The following PLXNC1 variants were observed in gnomAD, a reference collection of about 807,000 sequenced individuals.
The protein encoded by PLXNC1 is plexin-C1.
Under a neutral mutation model 178.2 loss-of-function variants are expected in PLXNC1, and 75 were observed. The observed-to-expected ratio is 0.42, with a 90% confidence interval of 0.35 to 0.51. The LOEUF is 0.51. PLXNC1 is among the 20% of genes least tolerant of loss of function. The probability of loss-of-function intolerance (pLI) is 0.02; values close to 1 mark genes in which losing one functional copy is unlikely to be tolerated. For missense variants in PLXNC1, 1,503 were observed against 1,984.4 expected, an observed-to-expected ratio of 0.76 and a Z score of 4.61; for synonymous variants, 790 against 779.9, an observed-to-expected ratio of 1.01 and a Z score of -0.22.
intron 15 of PLXNC1, 128 bp downstream of exon 15, chr12:94,251,656 C>A: frequency 1.5e-6 from 1 of 683,578 alleles, no homozygotes; most frequent in South Asian, 1.6e-5. Flanking sequence ...CAAATCAAAA[C>A]TTTGAGAAAC....
intron 21 of PLXNC1, among the ~76,000 whole-genome samples, chr12:94,274,806 T>G (rs1428327238): frequency 1.3e-5 from 2 of 152,178 alleles, no homozygotes; most frequent in Non-Finnish European, 2.9e-5. Flanking sequence ...CTTGTGCCAT[T>G]TATTTAACCT....
At chr12:94,195,179 G>A (rs1327904145) in intron 4 of PLXNC1, among the ~76,000 whole-genome samples, 1 of 152,108 alleles carries the variant, frequency 6.6e-6, no homozygotes, top group Non-Finnish European at 1.5e-5. Flanking sequence ...AGGCCTTCCA[G>A]CGCCATATTT....
intron 27 of PLXNC1, among the ~76,000 whole-genome samples, chr12:94,300,194 G>GCAAA (rs1352664258): frequency 6.6e-6 from 1 of 152,178 alleles, no homozygotes; most frequent in African/African-American, 2.4e-5. Context: ...AATGCAATAT[G>GCAAA]CAAACAGTAG....
chr12:94,247,814 A>G (rs1177366666), intron 12 of PLXNC1, 89 bp from the exon 13 acceptor site: 2 of 1,152,040 alleles, frequency 1.7e-6, no homozygotes, highest in East Asian at 4.7e-5. Context: ...AGCACCAAGA[A>G]GTTAAGTTGC....
At chr12:94,189,452 GT>G (rs1962640551) in intron 4 of PLXNC1, among the ~76,000 whole-genome samples, 1 of 152,174 alleles carries the variant, frequency 6.6e-6, no homozygotes, top group Non-Finnish European at 1.5e-5. Context: ...GCCAAAGTGG[GT>G]GGATCACTTG....
chr12:94,302,640 C>A (rs989246388), intron 28 of PLXNC1, among the ~76,000 whole-genome samples: 4 of 152,098 alleles, frequency 2.6e-5, no homozygotes, highest in African/African-American at 9.7e-5. Flanking sequence ...TTATTATTAC[C>A]CTCATTTTAT....
chr12:94,270,713 A>G (rs1036418296), intron 21 of PLXNC1, among the ~76,000 whole-genome samples: 12 of 152,166 alleles, frequency 7.9e-5, no homozygotes, highest in East Asian at 7.7e-4. Flanking sequence ...GCTAGCAAGT[A>G]TAGAAAAATT....
chr12:94,265,196 T>C lies in PLXNC1; in HGVS notation c.3568T>C (p.Leu1190=). The change falls in exon 21 of 31, where the codon TTG becomes CTG. Residue 1190 remains leucine (L), a synonymous_variant. Coordinates refer to ENST00000258526, the MANE Select transcript of PLXNC1 (RefSeq NM_005761.3). The part of the protein sequence containing the change: ...ALYTLNEDWL[L]WQVPEFSTVA... ...GTACACACTTAATGAAGACTGGCTG[T>C]TGTGGCAGGTTCCGGAATTCAGTAC... 1.9e-6 allele frequency: 3 copies of C among 1,612,212 alleles called. No individual in the cohort carries two copies. The highest frequency in any genetic ancestry group is 2.5e-6 in the Non-Finnish European group (3 of 1,178,684).
Position 94,279,641 on chromosome 12 carries a change from T to A in PLXNC1, c.3767T>A (p.Ile1256Asn). 6.2e-7 allele frequency: 1 copy of A among 1,614,134 alleles called. No homozygotes were observed. Among genetic ancestry groups the A allele is most frequent in the Non-Finnish European group, 8.5e-7 (1 of 1,179,980 alleles). The change falls in exon 22 of 31, where the codon ATT becomes AAT. Residue 1256 changes from isoleucine to asparagine, a missense_variant. Coordinates refer to ENST00000258526, the MANE Select transcript of PLXNC1 (RefSeq NM_005761.3). Reference sequence around the variant, plus strand: ...CCTTATGGACTTCAGCTTAATGAAATTGGTCTTGGTAAGGCGGTGCGGGAG... The same window carrying A: ...CCTTATGGACTTCAGCTTAATGAAAATGGTCTTGGTAAGGCGGTGCGGGAG... ...GSPYGLQLNE[I>N]GLELQMGTRQ...
At chr12:94,274,907 A>T (rs1044864604) in intron 21 of PLXNC1, among the ~76,000 whole-genome samples, 1 of 152,216 alleles carries the variant, frequency 6.6e-6, no homozygotes, top group African/African-American at 2.4e-5. Flanking sequence ...ATACAAATAC[A>T]CACACGTCAT....
rs139169554 is a variant in PLXNC1, at chr12:94,221,320, C to A, written c.1702+1157C>A. Among the ~76,000 whole-genome samples, 42 of 152,216 alleles carry A rather than the reference C, an allele frequency of 2.8e-4. 1 individual carries two copies. The East Asian group carries it at 7.7e-3, about 28-fold the overall frequency. ...ACTGAAAGACTGAGTTCCAACAGAT[C>A]ACTTGGAGGGGTCCAAGTGAGAGAG... On this transcript the variant is annotated intron_variant, in intron 6 of 30. Coordinates refer to ENST00000258526, the MANE Select transcript of PLXNC1 (RefSeq NM_005761.3).
chr12:94,205,922 T>C (rs373142954), intron 4 of PLXNC1, among the ~76,000 whole-genome samples: 45 of 152,338 alleles, frequency 3.0e-4, no homozygotes, highest in African/African-American at 1.1e-3. Flanking sequence ...GCCAAGTTTG[T>C]GGGCTCTGAA....
intron 23 of PLXNC1, among the ~76,000 whole-genome samples, chr12:94,289,428 G>A (rs4761470): frequency 0.16 from 23,844 of 152,168 alleles, 2,095 homozygotes; most frequent in Middle Eastern, 0.21. Context: ...ATTGCCGTGC[G>A]TACCAGTTCT....
intron 1 of PLXNC1, among the ~76,000 whole-genome samples, chr12:94,165,738 G>A (rs1276760780): frequency 6.6e-6 from 1 of 152,056 alleles, no homozygotes. Flanking sequence ...CGGCTCAGTG[G>A]TGTCTCCAGG....
At chr12:94,259,785 CG>C in intron 19 of PLXNC1, 51 bp downstream of exon 19, 1 of 1,515,648 alleles carries the variant, frequency 6.6e-7, no homozygotes, top group South Asian at 1.3e-5. Flanking sequence ...AAAATCAGGC[CG>C]GGCATGGTGG....
chr12:94,220,483 G>A (rs1233180834), intron 6 of PLXNC1, among the ~76,000 whole-genome samples: 1 of 152,206 alleles, frequency 6.6e-6, no homozygotes, highest in African/African-American at 2.4e-5. Flanking sequence ...AGCAAGAAAT[G>A]CCCTGGGTGA....
intron 23 of PLXNC1, among the ~76,000 whole-genome samples, chr12:94,283,205 T>C (rs1450389691): frequency 6.6e-6 from 1 of 152,132 alleles, no homozygotes; most frequent in African/African-American, 2.4e-5. Flanking sequence ...GTAGTAGTGC[T>C]GTGTGGCTTG....
At chr12:94,184,183 C>G (rs1962427352) in intron 3 of PLXNC1, among the ~76,000 whole-genome samples, 1 of 151,266 alleles carries the variant, frequency 6.6e-6, no homozygotes, top group African/African-American at 2.4e-5. Context: ...GTGGCGCAAT[C>G]TCAGCTCACT....
intron 1 of PLXNC1, among the ~76,000 whole-genome samples, chr12:94,166,887 C>T (rs1961634178): frequency 6.6e-6 from 1 of 152,006 alleles, no homozygotes; most frequent in Non-Finnish European, 1.5e-5. Context: ...CTGTCTCAGC[C>T]TCCTAAATAG....
Sources: gnomAD v4.1 joint callset for allele counts (sites outside exome capture counted in the v4.1 genomes callset) on GRCh38, gnomAD v4.1.1 for gene constraint, MANE v1.5 for transcripts, NCBI Gene and HGNC (gene_info 2026-07-23, HGNC 2026-07-21) for gene names.